The following MDGA2 variants were observed in gnomAD, a reference collection of about 807,000 sequenced individuals.
MDGA2 encodes MAM domain containing glycosylphosphatidylinositol anchor 2.
In MDGA2, 40 loss-of-function variants were observed where a neutral mutation model predicts 117.8. The observed-to-expected ratio is 0.34, with a 90% confidence interval of 0.26 to 0.44. MDGA2 has a LOEUF of 0.44. MDGA2 is among the 20% of genes least tolerant of loss of function. MDGA2 has a pLI of 1.00. For missense variants in MDGA2, 1,123 were observed against 1,250.6 expected (o/e 0.90, Z 1.54); for synonymous variants, 452 against 439.0 (o/e 1.03, Z -0.37).
chr14:47,216,451 A>T (rs1290163427), intron 3 of MDGA2, among the ~76,000 whole-genome samples: 1 of 152,142 alleles, frequency 6.6e-6, no homozygotes, highest in African/African-American at 2.4e-5. Context: ...AAACGTGATT[A>T]TTCAAAGTCT....
rs556665336 is a variant in MDGA2, at chr14:47,629,466, C to T, written c.280+45051G>A. Among the ~76,000 whole-genome samples, 11 of 152,278 alleles carry T rather than the reference C, an allele frequency of 7.2e-5. No individual in the cohort carries two copies. In the East Asian group the frequency reaches 2.1e-3, roughly 29 times the overall value. On this transcript the variant is annotated intron_variant, in intron 1 of 16. Transcript: ENST00000399232. Reference sequence around the variant, plus strand: ...GGAAATAGTGGAGGGCAGGCATGCCCTATTTGTGCCATACCACAGCGGTTT... The same window carrying T: ...GGAAATAGTGGAGGGCAGGCATGCCTTATTTGTGCCATACCACAGCGGTTT...
intron 14 of MDGA2, among the ~76,000 whole-genome samples, chr14:46,861,078 A>G (rs995358706): frequency 6.6e-6 from 1 of 151,868 alleles, no homozygotes; most frequent in African/African-American, 2.4e-5. Context: ...GGCTTCTCTT[A>G]TACCCTTTCA....
intron 1 of MDGA2, among the ~76,000 whole-genome samples, chr14:47,561,175 G>GTTTTTTTTTTTTTTTTTTTTT (rs150826944): frequency 1.2e-4 from 8 of 69,368 alleles, no homozygotes; most frequent in East Asian, 1.0e-3. Context: ...TTTTTTGTTT[G>GTTTTTTTTTTTTTTTTTTTTT]TTTGTTTTTT....
chr14:47,376,862 G>C lies in MDGA2; in HGVS notation c.281-75312C>G, dbSNP rs879812761. ...TCAAAATCTGCTGGAGGTAGGAAAG[G>C]GGGGGCACAAACTTTCCAAAAGATT... On this transcript the variant is annotated intron_variant, in intron 1 of 16. Transcript: ENST00000399232. Among the ~76,000 whole-genome samples, 4 of 152,194 alleles carry C rather than the reference G, an allele frequency of 2.6e-5. No individual in the cohort carries two copies. The East Asian group carries it at 5.8e-4, about 22-fold the overall frequency.
intron 1 of MDGA2, among the ~76,000 whole-genome samples, chr14:47,529,043 G>T (rs1895035643): frequency 6.6e-6 from 1 of 150,510 alleles, no homozygotes; most frequent in Admixed American, 6.6e-5. Context: ...CTGTCTCCCA[G>T]GCTGGAGTGC....
At chr14:46,909,074 C>T (rs759749008) in intron 10 of MDGA2, among the ~76,000 whole-genome samples, 1 of 152,126 alleles carries the variant, frequency 6.6e-6, no homozygotes, top group Non-Finnish European at 1.5e-5. Flanking sequence ...TTGTCTGCTT[C>T]CTACTCTACC....
intron 9 of MDGA2, among the ~76,000 whole-genome samples, chr14:46,928,067 G>T (rs1285282768): frequency 6.6e-6 from 1 of 151,954 alleles, no homozygotes; most frequent in Non-Finnish European, 1.5e-5. Flanking sequence ...ACAATATTAT[G>T]ATTTCTCTTG....
rs545399051 is a variant in MDGA2 at position 47,166,713 on chromosome 14, G to A, written c.596-22439C>T. 1.1e-4 allele frequency among the ~76,000 whole-genome samples: 16 copies of A among 152,104 alleles called. No individual in the cohort carries two copies. In the East Asian group the frequency reaches 2.9e-3, roughly 28 times the overall value. On this transcript the variant is annotated intron_variant, in intron 3 of 16. Coordinates refer to ENST00000399232, the MANE Select transcript of MDGA2 (RefSeq NM_001113498.3). ...ATACAACTTGAAACAAATGATTATC[G>A]AAATGAAAAACAAAAGCCAAAACAA...
At chr14:47,664,363 G>T (rs554826094) in intron 1 of MDGA2, among the ~76,000 whole-genome samples, 7 of 152,230 alleles carry the variant, frequency 4.6e-5, no homozygotes, top group African/African-American at 1.7e-4. Flanking sequence ...CTATTATGAG[G>T]TTCAACTGCT....
intron 16 of MDGA2, among the ~76,000 whole-genome samples, chr14:46,845,135 G>A (rs183926148): frequency 1.2e-3 from 186 of 152,192 alleles, no homozygotes; most frequent in African/African-American, 4.1e-3. Context: ...CACCCGCCTC[G>A]GCCTCCCAAA....
At chr14:47,671,953 A>G (rs1034763391) in intron 1 of MDGA2, among the ~76,000 whole-genome samples, 8 of 152,304 alleles carry the variant, frequency 5.3e-5, no homozygotes, top group African/African-American at 1.9e-4. Flanking sequence ...CTGTAAGCCT[A>G]TGTTAGTGCT....
intron 10 of MDGA2, among the ~76,000 whole-genome samples, chr14:46,916,690 C>T (rs1883912854): frequency 6.6e-6 from 1 of 151,998 alleles, no homozygotes; most frequent in African/African-American, 2.4e-5. Context: ...TCTTCTTACA[C>T]CCCATCTACA....
At chr14:47,370,378 A>G (rs565027530) in intron 1 of MDGA2, among the ~76,000 whole-genome samples, 45 of 150,880 alleles carry the variant, frequency 3.0e-4, no homozygotes, top group African/African-American at 9.9e-4. Context: ...GAGATTTAAC[A>G]TAGGTTACAA....
At chr14:47,500,899 C>A (rs1316707584) in intron 1 of MDGA2, among the ~76,000 whole-genome samples, 1 of 151,736 alleles carries the variant, frequency 6.6e-6, no homozygotes, top group Admixed American at 6.6e-5. Context: ...GCTAAAAATA[C>A]AAAAAGGGTA....
chr14:47,551,041 G>A (rs897624747), intron 1 of MDGA2, among the ~76,000 whole-genome samples: 1 of 152,004 alleles, frequency 6.6e-6, no homozygotes. Flanking sequence ...CACTTTTGAA[G>A]GGCATTCATA....
intron 1 of MDGA2, among the ~76,000 whole-genome samples, chr14:47,484,684 G>A (rs1428805319): frequency 6.6e-6 from 1 of 152,136 alleles, no homozygotes; most frequent in Non-Finnish European, 1.5e-5. Context: ...CCCAGATGTT[G>A]TGGGAGGGAC....
intron 1 of MDGA2, among the ~76,000 whole-genome samples, chr14:47,628,912 C>T (rs181064351): frequency 3.1e-3 from 471 of 152,312 alleles, no homozygotes; most frequent in Non-Finnish European, 5.2e-3. Context: ...GCCCCATATC[C>T]CAACTTGAGA....
chr14:47,058,607 T>G, intron 7 of MDGA2: 1 of 985,102 alleles, frequency 1.0e-6, no homozygotes, highest in South Asian at 4.7e-5. Context: ...CACTTTAGTC[T>G]TCAATAGTAT....
chr14:47,054,321 TC>T (rs1476376102), intron 7 of MDGA2, among the ~76,000 whole-genome samples: 3,339 of 150,246 alleles, frequency 0.022, 103 homozygotes, highest in African/African-American at 0.07. Flanking sequence ...GTCTCAAAGC[TC>T]TTATTATTAT....
Sources: allele counts gnomAD v4.1 joint callset (sites outside exome capture counted in the v4.1 genomes callset), GRCh38; gene constraint gnomAD v4.1.1; transcripts MANE v1.5; gene names NCBI Gene and HGNC (gene_info 2026-07-23, HGNC 2026-07-21).